The following USP34 variants were observed in gnomAD, a reference collection of about 807,000 sequenced individuals.
USP34 encodes the protein ubiquitin carboxyl-terminal hydrolase 34.
In USP34, 70 loss-of-function variants were observed where a neutral mutation model predicts 460.3. The observed-to-expected ratio is 0.15, with a 90% confidence interval of 0.13 to 0.19. The LOEUF (loss-of-function observed/expected upper bound fraction) is 0.19. USP34 is among the 10% of genes least tolerant of loss of function. USP34 has a pLI of 1.00. For missense variants in USP34, 3,985 were observed against 4,236.2 expected, an observed-to-expected ratio of 0.94 and a Z score of 1.65; for synonymous variants, 1,647 against 1,405.3, an observed-to-expected ratio of 1.17 and a Z score of -3.85.
chr2:61,438,411 G>T (rs954244305), intron 1 of USP34, among the ~76,000 whole-genome samples: 1 of 151,992 alleles, frequency 6.6e-6, no homozygotes, highest in African/African-American at 2.4e-5. Flanking sequence ...TCAGGAGTTC[G>T]AGACCAGCCT....
rs1008787331 is a variant in USP34 at position 61,379,520 on chromosome 2, A to AAAAAC, written c.1014+644_1014+648dup. On this transcript the variant is annotated intron_variant, in intron 7 of 79. Coordinates refer to ENST00000398571, the MANE Select transcript of USP34 (RefSeq NM_014709.4). ...GGGACTCCATCTCCAAGAAAAACCA[A>AAAAAC]AAAACAAAACAAAACAAAACAAAAA... Among the ~76,000 whole-genome samples, 13 of 152,326 alleles carry AAAAAC rather than the reference A, an allele frequency of 8.5e-5. No homozygotes were observed. In the East Asian group the frequency reaches 1.9e-3, roughly 23 times the overall value.
chr2:61,307,356 C>T (rs922311326), intron 27 of USP34, among the ~76,000 whole-genome samples: 2 of 151,646 alleles, frequency 1.3e-5, no homozygotes, highest in African/African-American at 2.4e-5. Context: ...AGGAGATATA[C>T]CTAATGTAAA....
At chr2:61,263,849 T>A (rs1419396756) in intron 43 of USP34, among the ~76,000 whole-genome samples, 1 of 152,178 alleles carries the variant, frequency 6.6e-6, no homozygotes, top group African/African-American at 2.4e-5. Context: ...CTTTGTCCAC[T>A]TTCTAATGGG....
intron 38 of USP34, 94 bp from the exon 39 acceptor site, chr2:61,280,442 C>T: frequency 1.8e-6 from 1 of 556,768 alleles, no homozygotes; most frequent in Non-Finnish European, 2.9e-6. Context: ...AAATAAATTC[C>T]TATATCCACT....
At chr2:61,389,096 GA>G (rs1693262334) in intron 5 of USP34, among the ~76,000 whole-genome samples, 1 of 152,122 alleles carries the variant, frequency 6.6e-6, no homozygotes. Context: ...AGTGTTTAGG[GA>G]TATAAGATTA....
chr2:61,288,597 A>C, intron 34 of USP34, 80 bp downstream of exon 34: 1 of 1,442,556 alleles, frequency 6.9e-7, no homozygotes, highest in Non-Finnish European at 9.6e-7. Flanking sequence ...TCTAGAATAC[A>C]TTTCTTAAGC....
At chr2:61,272,677 T>A (rs1254130783) in intron 41 of USP34, among the ~76,000 whole-genome samples, 2 of 152,162 alleles carry the variant, frequency 1.3e-5, no homozygotes, top group Non-Finnish European at 2.9e-5. Flanking sequence ...TCAGATCACA[T>A]CTCTCCTGTA....
rs551542217 is a variant in USP34 at position 61,295,385 on chromosome 2, A to G, written c.4255-95T>C. The G allele has an allele frequency of 5.4e-5, 69 of 1,274,914 alleles. No homozygotes were observed. In the African/African-American group the frequency reaches 1.0e-3, roughly 19 times the overall value. The allele number at this position is 1,274,914 out of a possible 1,614,324, so 79.0% of individuals were successfully genotyped here. A position where few individuals can be genotyped will look rare whatever the true frequency, so the allele number is the denominator to read the frequency against. On this transcript the variant is annotated intron_variant, in intron 30 of 79. Transcript: ENST00000398571. The stretch of plus-strand genomic sequence containing the variant: ...AACTGACACTACATAAAAACTCAAA[A>G]TATTATATATACTTTGAAACATATT...
intron 76 of USP34, among the ~76,000 whole-genome samples, chr2:61,191,874 A>T (rs1196924215): frequency 6.6e-6 from 1 of 152,244 alleles, no homozygotes; most frequent in Non-Finnish European, 1.5e-5. Context: ...ATCAACTGAT[A>T]AAAGTCATTT....
In USP34 at chr2:61,307,228, C is replaced by T. The variant is rs1016367751; in HGVS notation, c.3817+4312G>A. Among the ~76,000 whole-genome samples, 59 of 150,160 alleles carry T rather than the reference C, an allele frequency of 3.9e-4. 1 individual carries two copies. The highest frequency in any genetic ancestry group is 1.4e-3 in the African/African-American group (59 of 40,806). On this transcript the variant is annotated intron_variant, in intron 27 of 79. Transcript: ENST00000398571. Reference sequence around the variant, plus strand: ...ACTATCACAAGGACAAAAATCCAAACACCGCATGTTCTCACTCATAGGTGG... The same window carrying T: ...ACTATCACAAGGACAAAAATCCAAATACCGCATGTTCTCACTCATAGGTGG...
chr2:61,386,410 T>C (rs531694732), intron 5 of USP34, among the ~76,000 whole-genome samples: 8 of 152,280 alleles, frequency 5.3e-5, no homozygotes, highest in South Asian at 4.1e-4. Context: ...TAAAAATGTA[T>C]TGCAGTTGAA....
chr2:61,298,572 A>AAAAACTAGC (rs1690115222), intron 29 of USP34, among the ~76,000 whole-genome samples: 1 of 130,152 alleles, frequency 7.7e-6, no homozygotes, highest in Admixed American at 7.8e-5. Flanking sequence ...AAAAAAAAAA[A>AAAAACTAGC]TCTGCTGAAA....
intron 18 of USP34, among the ~76,000 whole-genome samples, chr2:61,339,045 T>A (rs1398670731): frequency 6.6e-6 from 1 of 152,180 alleles, no homozygotes; most frequent in African/African-American, 2.4e-5. Flanking sequence ...TAACTGCAAT[T>A]TGAAAACAGA....
intron 57 of USP34, among the ~76,000 whole-genome samples, chr2:61,234,571 TAA>T (rs779281073): frequency 5.3e-5 from 8 of 152,062 alleles, no homozygotes; most frequent in Non-Finnish European, 7.4e-5. Context: ...CAAAAGTAGT[TAA>T]GAGAGGGATG....
chr2:61,335,087 A>G (rs560299955), intron 18 of USP34, among the ~76,000 whole-genome samples: 1 of 152,330 alleles, frequency 6.6e-6, no homozygotes, highest in South Asian at 2.1e-4. Flanking sequence ...AAATGACAGA[A>G]AGTACTGCTT....
intron 49 of USP34, among the ~76,000 whole-genome samples, chr2:61,247,993 C>T (rs1313731865): frequency 6.6e-6 from 1 of 152,008 alleles, no homozygotes; most frequent in Non-Finnish European, 1.5e-5. Flanking sequence ...TCGAGACCAA[C>T]CTAGCCAACA....
At chr2:61,418,297 C>G (rs1396364207) in intron 2 of USP34, among the ~76,000 whole-genome samples, 1 of 152,208 alleles carries the variant, frequency 6.6e-6, no homozygotes, top group East Asian at 1.9e-4. Flanking sequence ...TCAGGCTGGT[C>G]TCGAACTCCT....
intron 44 of USP34, among the ~76,000 whole-genome samples, chr2:61,257,769 C>T (rs1201189073): frequency 3.3e-5 from 5 of 151,976 alleles, no homozygotes; most frequent in Admixed American, 6.6e-5. Flanking sequence ...TAGCTGGGTG[C>T]GGTTGCGCAT....
At chr2:61,190,094 G>A (rs1226471377) in intron 78 of USP34, 177 bp downstream of exon 78, 18 of 665,212 alleles carry the variant, frequency 2.7e-5, no homozygotes, top group Non-Finnish European at 4.3e-5. Flanking sequence ...GTGATAGAGT[G>A]TGCTGTGTAC....
Sources: allele counts gnomAD v4.1 joint callset (sites outside exome capture counted in the v4.1 genomes callset), GRCh38; gene constraint gnomAD v4.1.1; transcripts MANE v1.5; gene names NCBI Gene and HGNC (gene_info 2026-07-23, HGNC 2026-07-21).